TMOD1: variants seen among roughly 807,000 people sequenced by gnomAD.
TMOD1 encodes the protein tropomodulin-1.
A neutral mutation model predicts 40.6 loss-of-function variants in TMOD1; 17 were observed. The observed-to-expected ratio is 0.42, with a 90% CI of 0.29 to 0.63. The LOEUF is 0.63. TMOD1 is among the 20% of genes least tolerant of loss of function. The pLI, the probability that TMOD1 is intolerant of heterozygous loss-of-function variation, is 0.22. For synonymous variants in TMOD1, 181 were observed against 175.0 expected (o/e 1.03, Z -0.27); for missense variants, 391 against 447.6 (o/e 0.87, Z 1.14).
In TMOD1 at chr9:97,540,403, G is replaced by C. The variant is rs571564514; in HGVS notation, c.121-5782G>C. Among the ~76,000 whole-genome samples the C allele has an allele frequency of 5.9e-5, 9 of 152,192 alleles. No homozygotes were observed. The South Asian group carries it at 1.7e-3, about 28-fold the overall frequency. On this transcript the variant is annotated intron_variant, in intron 2 of 9. Transcript: ENST00000259365. ...AGCTCTCTGGTATCTCTTCTTATAGGGACACCAATCCTATCAGATCAGGGT... is the reference window on the plus strand; with the variant it reads ...AGCTCTCTGGTATCTCTTCTTATAGCGACACCAATCCTATCAGATCAGGGT...
intron 8 of TMOD1, among the ~76,000 whole-genome samples, chr9:97,586,295 G>T (rs1825868624): frequency 1.3e-5 from 2 of 152,214 alleles, no homozygotes; most frequent in Non-Finnish European, 1.5e-5. Context: ...CTGCTGAGGG[G>T]TGCCTCCCAG....
intron 2 of TMOD1, among the ~76,000 whole-genome samples, chr9:97,537,561 G>T (rs1830204056): frequency 6.6e-6 from 1 of 152,196 alleles, no homozygotes; most frequent in African/African-American, 2.4e-5. Flanking sequence ...CTGGACTCCA[G>T]AGTGTGGGTG....
At chr9:97,501,525 G>A (rs1442276470), upstream of TMOD1, 2 of 151,102 alleles carry the variant, frequency 1.3e-5, no homozygotes, top group Non-Finnish European at 3.0e-5. Context: ...GAAGTGCGCT[G>A]CGCCCGGGCG....
chr9:97,555,539 A>G, intron 4 of TMOD1: 4 of 1,483,616 alleles, frequency 2.7e-6, no homozygotes, highest in Non-Finnish European at 3.6e-6. Flanking sequence ...ATCTGTAACG[A>G]CGCAATATGC....
At chr9:97,575,158 C>T (rs1283312738) in intron 8 of TMOD1, among the ~76,000 whole-genome samples, 1 of 152,216 alleles carries the variant, frequency 6.6e-6, no homozygotes, top group African/African-American at 2.4e-5. Flanking sequence ...GTAACACTCA[C>T]CGCGAAGGTC....
At chr9:97,518,703 T>C (rs1587916496) in intron 1 of TMOD1, among the ~76,000 whole-genome samples, 1 of 152,030 alleles carries the variant, frequency 6.6e-6, no homozygotes, top group African/African-American at 2.4e-5. Flanking sequence ...CCTTAAAGGG[T>C]GCAGGGGAGT....
chr9:97,524,873 A>G (rs1396313910), intron 2 of TMOD1, among the ~76,000 whole-genome samples: 2 of 20,856 alleles, frequency 9.6e-5, no homozygotes, highest in Non-Finnish European at 2.7e-4. Flanking sequence ...CCGCCATATC[A>G]GGGGGAATAA....
chr9:97,592,538 A>G (rs1826023126), intron 9 of TMOD1, among the ~76,000 whole-genome samples: 1 of 152,214 alleles, frequency 6.6e-6, no homozygotes, highest in African/African-American at 2.4e-5. Context: ...CCTGCTCTAC[A>G]CAATGGTTTC....
intron 2 of TMOD1, among the ~76,000 whole-genome samples, chr9:97,540,270 G>T (rs1830257877): frequency 1.3e-5 from 2 of 152,158 alleles, no homozygotes; most frequent in South Asian, 4.1e-4. Context: ...TCCCAGATCA[G>T]GGTCTTGAGG....
At chr9:97,562,870 C>G in intron 5 of TMOD1, 49 bp downstream of exon 5, 1 of 1,443,140 alleles carries the variant, frequency 6.9e-7, no homozygotes, top group East Asian at 2.5e-5. Context: ...CTTGCTTCCT[C>G]CACTCACTGA....
intron 2 of TMOD1, among the ~76,000 whole-genome samples, chr9:97,545,138 G>A (rs1830341648): frequency 6.6e-6 from 1 of 152,182 alleles, no homozygotes; most frequent in African/African-American, 2.4e-5. Flanking sequence ...TGCAAATGCA[G>A]GGAACAGGGA....
At chr9:97,549,081 T>C (rs999514076) in intron 3 of TMOD1, among the ~76,000 whole-genome samples, 11 of 152,248 alleles carry the variant, frequency 7.2e-5, no homozygotes, top group African/African-American at 2.7e-4. Context: ...GGAGGCCTTC[T>C]CATTCAAGTG....
At chr9:97,518,479 G>T (rs1227040268) in intron 1 of TMOD1, among the ~76,000 whole-genome samples, 2 of 152,232 alleles carry the variant, frequency 1.3e-5, no homozygotes, top group Non-Finnish European at 2.9e-5. Context: ...GCATCCCCAG[G>T]AAACAAATAC....
chr9:97,537,447 G>A (rs1173221988), intron 2 of TMOD1, among the ~76,000 whole-genome samples: 1 of 152,230 alleles, frequency 6.6e-6, no homozygotes, highest in Non-Finnish European at 1.5e-5. Flanking sequence ...TGATAACTGT[G>A]CAGATACTTG....
intron 1 of TMOD1, among the ~76,000 whole-genome samples, chr9:97,509,368 G>A: frequency 6.6e-6 from 1 of 152,170 alleles, no homozygotes; most frequent in East Asian, 1.9e-4. Flanking sequence ...AAGGTACAGT[G>A]ACAAGTGGCC....
In TMOD1 at chr9:97,546,187, T is replaced by C. The variant is rs771051605; in HGVS notation, c.123T>C (p.Asn41=). The C allele has an allele frequency of 1.2e-6, 2 of 1,610,438 alleles. No homozygotes were observed. The highest frequency in any genetic ancestry group is 1.3e-5 in the African/African-American group (1 of 74,698). The part of the protein sequence containing the change: ...ENELDELDPD[N]ALLPAGLRQK... ...CCCCCCCACAACCTCCAATGTAGAA[T>C]GCACTGCTGCCTGCAGGCCTGAGGC... Residue 41 remains asparagine (N), a splice_region_variant and synonymous_variant, in exon 3 of 10, where the codon AAT becomes AAC. Transcript: ENST00000259365.
At chr9:97,555,455 CTCTGTGCTACGTT>C in intron 4 of TMOD1, 1 of 1,422,516 alleles carries the variant, frequency 7.0e-7, no homozygotes, top group Non-Finnish European at 9.1e-7. Flanking sequence ...AGAGCTGCAA[CTCTGTGCTACGTT>C]TCTGTGTGGC....
At chr9:97,563,411 C>A (rs1049662269) in intron 5 of TMOD1, among the ~76,000 whole-genome samples, 1 of 152,172 alleles carries the variant, frequency 6.6e-6, no homozygotes, top group African/African-American at 2.4e-5. Flanking sequence ...TGGGATGAGA[C>A]CAAACTTTCA....
intron 1 of TMOD1, among the ~76,000 whole-genome samples, chr9:97,510,911 G>A (rs1259473474): frequency 6.6e-6 from 1 of 152,126 alleles, no homozygotes; most frequent in Non-Finnish European, 1.5e-5. Flanking sequence ...GAGGAGTGGA[G>A]TGCAGCATGG....
Sources: allele counts gnomAD v4.1 joint callset (sites outside exome capture counted in the v4.1 genomes callset), GRCh38; gene constraint gnomAD v4.1.1; transcripts MANE v1.5; gene names NCBI Gene and HGNC (gene_info 2026-07-23, HGNC 2026-07-21).